MIB1: variants seen among roughly 807,000 people sequenced by gnomAD.
The protein encoded by MIB1 is E3 ubiquitin-protein ligase MIB1.
In MIB1, 278 loss-of-function variants were observed where a neutral mutation model predicts 124.5. The observed-to-expected ratio is 2.23, with a 90% CI of 2.02 to 2.47. The LOEUF (loss-of-function observed/expected upper bound fraction) is 2.47. MIB1 is among the 30% of genes most tolerant of loss of function. The pLI is 0.00. For missense variants in MIB1, 957 were observed against 1,254.4 expected (o/e 0.76, Z 3.58); for synonymous variants, 446 against 429.4 (o/e 1.04, Z -0.48).
intron 1 of MIB1, among the ~76,000 whole-genome samples, chr18:21,729,819 A>G (rs1052995120): frequency 6.6e-6 from 1 of 152,124 alleles, no homozygotes; most frequent in Non-Finnish European, 1.5e-5. Context: ...CACTAATCCC[A>G]TTGCCCTCAT....
chr18:21,743,387 C>T lies in MIB1; in HGVS notation c.229+1575C>T, dbSNP rs79533980. Among the ~76,000 whole-genome samples, 1,256 of 152,246 alleles carry T rather than the reference C, an allele frequency of 8.2e-3. 8 individuals are homozygous for T. The highest frequency in any genetic ancestry group is 0.014 in the Non-Finnish European group (922 of 68,004). The stretch of plus-strand genomic sequence containing the variant: ...TGATTGGATACGGTGATTTATCTAA[C>T]CAGGACTTTATCGATGGGCGTTTTA... On this transcript the variant is annotated intron_variant, in intron 1 of 20. Transcript: ENST00000261537.
intron 1 of MIB1, among the ~76,000 whole-genome samples, chr18:21,742,731 C>A (rs933227807): frequency 6.6e-6 from 1 of 152,126 alleles, no homozygotes. Flanking sequence ...ATCCTTGATT[C>A]TGTAGAAAAT....
chr18:21,752,087 C>T (rs1315925307), intron 1 of MIB1, among the ~76,000 whole-genome samples: 2 of 152,164 alleles, frequency 1.3e-5, no homozygotes, highest in East Asian at 3.8e-4. Flanking sequence ...GTTGTTAAAG[C>T]AAGTAATTGA....
chr18:21,823,474 G>A (rs2041897705), intron 12 of MIB1, among the ~76,000 whole-genome samples: 1 of 151,836 alleles, frequency 6.6e-6, no homozygotes, highest in African/African-American at 2.4e-5. Context: ...ACCTGATGAA[G>A]TGTCTAGATG....
intron 12 of MIB1, among the ~76,000 whole-genome samples, chr18:21,824,676 C>T (rs2041909023): frequency 6.6e-6 from 1 of 151,906 alleles, no homozygotes. Context: ...TCTCCTTTTG[C>T]CCACAGTCTT....
intron 10 of MIB1, among the ~76,000 whole-genome samples, chr18:21,807,735 A>T (rs185423853): frequency 2.0e-5 from 3 of 152,336 alleles, no homozygotes; most frequent in East Asian, 3.9e-4. Context: ...AAATGTCAGT[A>T]GTGCTAAAGT....
chr18:21,782,270 T>A (rs1181344067), intron 6 of MIB1, among the ~76,000 whole-genome samples: 1 of 152,056 alleles, frequency 6.6e-6, no homozygotes, highest in Non-Finnish European at 1.5e-5. Flanking sequence ...ATTACAGTCA[T>A]GTGCCACCAC....
chr18:21,832,964 C>T (rs1483943833), intron 12 of MIB1, among the ~76,000 whole-genome samples: 1 of 152,068 alleles, frequency 6.6e-6, no homozygotes, highest in African/African-American at 2.4e-5. Context: ...CTTTCTAAGC[C>T]CTTTATAAAT....
chr18:21,794,475 A>G (rs897374124), intron 7 of MIB1, among the ~76,000 whole-genome samples: 6 of 150,814 alleles, frequency 4.0e-5, no homozygotes, highest in South Asian at 2.1e-4. Flanking sequence ...CTCTCTCTAC[A>G]AGAGAGTCCT....
At chr18:21,799,510 T>G (rs1411622063) in intron 8 of MIB1, among the ~76,000 whole-genome samples, 1 of 152,064 alleles carries the variant, frequency 6.6e-6, no homozygotes, top group Admixed American at 6.6e-5. Flanking sequence ...AGGAAGTTTG[T>G]ATCATTGTGG....
At chr18:21,752,021 T>C (rs1358972038) in intron 1 of MIB1, among the ~76,000 whole-genome samples, 1 of 152,210 alleles carries the variant, frequency 6.6e-6, no homozygotes. Flanking sequence ...GTTTATTATA[T>C]ATAATTATAT....
At chr18:21,742,421 C>G (rs1223564351) in intron 1 of MIB1, among the ~76,000 whole-genome samples, 1 of 151,996 alleles carries the variant, frequency 6.6e-6, no homozygotes, top group African/African-American at 2.4e-5. Context: ...ACATCCTGAG[C>G]TCTTGAACCA....
At chr18:21,730,792 G>A (rs1270210789) in intron 1 of MIB1, among the ~76,000 whole-genome samples, 1 of 152,086 alleles carries the variant, frequency 6.6e-6, no homozygotes, top group Non-Finnish European at 1.5e-5. Context: ...TGTGAAATCC[G>A]AATTTGATCA....
At chr18:21,736,345 G>A (rs1022165025), upstream of MIB1, among the ~76,000 whole-genome samples, 1 of 152,090 alleles carries the variant, frequency 6.6e-6, no homozygotes, top group Non-Finnish European at 1.5e-5. Flanking sequence ...TCAACAAAAA[G>A]GACGTCATCC....
At chr18:21,706,155 C>T (rs1402861538) in intron 1 of MIB1, among the ~76,000 whole-genome samples, 2 of 152,126 alleles carry the variant, frequency 1.3e-5, no homozygotes, top group African/African-American at 4.8e-5. Flanking sequence ...GATCTCGGGT[C>T]ACTGCAACCT....
chr18:21,775,415 A>C (rs1448272496), intron 4 of MIB1, among the ~76,000 whole-genome samples: 1 of 152,096 alleles, frequency 6.6e-6, no homozygotes, highest in Non-Finnish European at 1.5e-5. Context: ...AATATTAAAA[A>C]ATTTTTAGTA....
intron 7 of MIB1, among the ~76,000 whole-genome samples, chr18:21,795,367 T>C (rs1568205129): frequency 7.0e-6 from 1 of 143,756 alleles, no homozygotes; most frequent in African/African-American, 2.5e-5. Context: ...ATACATAATA[T>C]ATAAATATAT....
rs192025636 is a variant in MIB1 at position 21,784,143 on chromosome 18, G to A, written c.908+4458G>A. 1.3e-4 allele frequency among the ~76,000 whole-genome samples: 19 copies of A among 149,676 alleles called. No homozygotes were observed. The East Asian group carries it at 3.8e-3, about 30-fold the overall frequency. On this transcript the variant is annotated intron_variant, in intron 6 of 20. Coordinates refer to ENST00000261537, the MANE Select transcript of MIB1 (RefSeq NM_020774.4). Reference sequence around the variant, plus strand: ...GGCTCACTGTGACCTCCGACTCCCTGGTTCAGACAATTCTCCTGCCTCAGC... The same window carrying A: ...GGCTCACTGTGACCTCCGACTCCCTAGTTCAGACAATTCTCCTGCCTCAGC...
chr18:21,794,699 A>G (rs1274915234), intron 7 of MIB1, among the ~76,000 whole-genome samples: 1 of 152,164 alleles, frequency 6.6e-6, no homozygotes, highest in Non-Finnish European at 1.5e-5. Context: ...GTATCCAGGA[A>G]AAAAGACCAG....
Sources: gnomAD v4.1 joint callset for allele counts (sites outside exome capture counted in the v4.1 genomes callset) on GRCh38, gnomAD v4.1.1 for gene constraint, MANE v1.5 for transcripts, NCBI Gene and HGNC (gene_info 2026-07-23, HGNC 2026-07-21) for gene names.